MYT1L: variants seen among roughly 807,000 people sequenced by gnomAD.
MYT1L encodes myelin transcription factor 1-like protein.
A neutral mutation model predicts 126.7 loss-of-function variants in MYT1L; 12 were observed. The ratio of observed to expected loss-of-function variants is 0.09; its 90% confidence interval spans 0.06 to 0.15. MYT1L has a LOEUF of 0.15. MYT1L is among the 10% of genes least tolerant of loss of function. The pLI, the probability that MYT1L is intolerant of heterozygous loss-of-function variation, is 1.00. For synonymous variants in MYT1L, 541 were observed against 604.2 expected (o/e 0.90, Z 1.53); for missense variants, 979 against 1,585.2 (o/e 0.62, Z 6.49).
chr2:2,330,007 T>G (rs965730452), intron 1 of MYT1L, among the ~76,000 whole-genome samples: 20 of 152,104 alleles, frequency 1.3e-4, no homozygotes, highest in African/African-American at 4.6e-4. Flanking sequence ...TATAAAACTC[T>G]TTTCTTTTAA....
At position 1,808,975 on chromosome 2, in the gene MYT1L, A is replaced by G. The variant is rs907739445; in HGVS notation, c.3172+101T>C. 8 of 1,048,618 alleles carry G rather than the reference A, an allele frequency of 7.6e-6. No homozygotes were observed. The African/African-American group carries it at 1.1e-4, about 14-fold the overall frequency. The allele number at this position is 1,048,618 out of a possible 1,614,324, so 65.0% of individuals were successfully genotyped here. On this transcript the variant is annotated intron_variant, in intron 22 of 24. Transcript: ENST00000647738. ...GAATTATCTCTGCCCCTGCTTTCTA[A>G]GAAAAGTGAGCTGTAACTGTCAAAG...
chr2:1,867,781 A>G (rs1050018770), intron 18 of MYT1L, among the ~76,000 whole-genome samples: 1 of 152,208 alleles, frequency 6.6e-6, no homozygotes, highest in Non-Finnish European at 1.5e-5. Flanking sequence ...ATGTAGATGA[A>G]GGTCATTGTT....
chr2:2,325,643 C>G (rs1478646026), intron 1 of MYT1L: 2 of 152,242 alleles, frequency 1.3e-5, no homozygotes, highest in Non-Finnish European at 2.9e-5. Flanking sequence ...AAACCTCTCT[C>G]CTATAACACT....
chr2:1,870,088 A>G lies in MYT1L; in HGVS notation c.2711+16451T>C, dbSNP rs752752410. 7.4e-4 allele frequency among the ~76,000 whole-genome samples: 112 copies of G among 152,322 alleles called. 1 individual carries two copies. The highest frequency in any genetic ancestry group is 1.2e-3 in the Admixed American group (18 of 15,306). On this transcript the variant is annotated intron_variant, in intron 18 of 24. Transcript: ENST00000647738. ...GGCATTCTTCTCCTCTACCTGTTGC[A>G]TGATGTCAGTTCTGATGGTGACTCA...
chr2:1,970,130 T>C (rs1037043333), intron 8 of MYT1L, among the ~76,000 whole-genome samples: 1 of 152,186 alleles, frequency 6.6e-6, no homozygotes, highest in African/African-American at 2.4e-5. Context: ...CGCTGTTCTC[T>C]TTGGGGCAGG....
intron 2 of MYT1L, among the ~76,000 whole-genome samples, chr2:2,278,137 G>A (rs2095393876): frequency 1.3e-5 from 2 of 152,178 alleles, no homozygotes; most frequent in Non-Finnish European, 2.9e-5. Context: ...GTTAATGGTA[G>A]TGGCCATATT....
chr2:1,900,503 G>T lies in MYT1L; in HGVS notation c.2032+2577C>A, dbSNP rs550921108. 7.2e-5 allele frequency among the ~76,000 whole-genome samples: 11 copies of T among 152,250 alleles called. No homozygotes were observed. In the East Asian group the frequency reaches 2.1e-3, roughly 29 times the overall value. ...TTTAGTAGAGACGGGGTTTCACCGT[G>T]TTAGCCAGGATGGTCTTGATCTCCT... On this transcript the variant is annotated intron_variant, in intron 14 of 24. Transcript: ENST00000647738.
At chr2:2,201,755 G>A (rs576853924) in intron 2 of MYT1L, among the ~76,000 whole-genome samples, 4 of 151,768 alleles carry the variant, frequency 2.6e-5, no homozygotes, top group Non-Finnish European at 5.9e-5. Flanking sequence ...GGTATTTTCA[G>A]CTAAACTCTC....
At chr2:2,151,235 G>A (rs947512589) in intron 3 of MYT1L, among the ~76,000 whole-genome samples, 2 of 152,158 alleles carry the variant, frequency 1.3e-5, no homozygotes, top group African/African-American at 4.8e-5. Context: ...AGATTTTTCT[G>A]TGGTGCTATA....
chr2:2,135,378 T>C (rs2082917229), intron 3 of MYT1L, among the ~76,000 whole-genome samples: 1 of 152,222 alleles, frequency 6.6e-6, no homozygotes, highest in Non-Finnish European at 1.5e-5. Flanking sequence ...CCACCATGAT[T>C]GTGAGGCCTC....
intron 4 of MYT1L, among the ~76,000 whole-genome samples, chr2:2,052,215 C>T (rs576116983): frequency 2.0e-5 from 3 of 152,310 alleles, no homozygotes; most frequent in South Asian, 4.1e-4. Context: ...CTTTTCAACA[C>T]ACAGAGTATA....
chr2:1,986,365 A>T (rs558418052), intron 5 of MYT1L, among the ~76,000 whole-genome samples: 6 of 152,308 alleles, frequency 3.9e-5, no homozygotes, highest in African/African-American at 1.4e-4. Flanking sequence ...GCCAGAAGTC[A>T]GCAAGGAGCC....
At chr2:1,989,911 T>C (rs540284403) in intron 5 of MYT1L, among the ~76,000 whole-genome samples, 42 of 152,214 alleles carry the variant, frequency 2.8e-4, no homozygotes, top group African/African-American at 9.4e-4. Flanking sequence ...GACAGGAGAA[T>C]TGCTTAAACC....
chr2:2,033,625 T>C (rs1034116790), intron 4 of MYT1L, among the ~76,000 whole-genome samples: 1 of 151,878 alleles, frequency 6.6e-6, no homozygotes, highest in African/African-American at 2.4e-5. Flanking sequence ...AAAAAAAAAA[T>C]CTGGGTTTCA....
At chr2:2,252,924 G>C (rs2094693670) in intron 2 of MYT1L, among the ~76,000 whole-genome samples, 1 of 152,036 alleles carries the variant, frequency 6.6e-6, no homozygotes, top group Non-Finnish European at 1.5e-5. Flanking sequence ...TTTAGGGCAT[G>C]TATCCTGAAT....
chr2:2,060,532 G>T (rs1052549007), intron 3 of MYT1L, among the ~76,000 whole-genome samples: 3 of 152,094 alleles, frequency 2.0e-5, no homozygotes, highest in Non-Finnish European at 2.9e-5. Flanking sequence ...GAAATTTAAT[G>T]ATATATCCTG....
intron 18 of MYT1L, among the ~76,000 whole-genome samples, chr2:1,864,558 G>A (rs913598551): frequency 3.3e-5 from 5 of 152,158 alleles, no homozygotes; most frequent in African/African-American, 1.2e-4. Context: ...TCCCCCAGTC[G>A]CCGTCCCCAG....
chr2:1,915,276 A>G (rs1573535567), intron 11 of MYT1L, among the ~76,000 whole-genome samples: 1 of 152,186 alleles, frequency 6.6e-6, no homozygotes, highest in Non-Finnish European at 1.5e-5. Flanking sequence ...GTGGTGTTAT[A>G]AAGAATCGCA....
chr2:2,065,848 G>GCACGCA (rs2071201206), intron 3 of MYT1L, among the ~76,000 whole-genome samples: 1 of 135,324 alleles, frequency 7.4e-6, no homozygotes, highest in African/African-American at 2.7e-5. Context: ...ACACACACAC[G>GCACGCA]CACACACACA....
Sources: allele counts gnomAD v4.1 joint callset (sites outside exome capture counted in the v4.1 genomes callset), GRCh38; gene constraint gnomAD v4.1.1; transcripts MANE v1.5; gene names NCBI Gene and HGNC (gene_info 2026-07-23, HGNC 2026-07-21).